Variants in FBF1 observed in about 807,000 individuals in gnomAD.
FBF1 encodes the protein fas-binding factor 1.
FBF1 carries 119 observed loss-of-function variants against 147.2 expected under a neutral mutation model. The observed-to-expected ratio is 0.81, with a 90% CI of 0.70 to 0.94. The LOEUF is 0.94. Among genes scored for constraint, FBF1 ranks in the 40% least tolerant of loss-of-function variants. The pLI is 0.00. For synonymous variants in FBF1, 601 were observed against 609.0 expected, an observed-to-expected ratio of 0.99 and a Z score of 0.19; for missense variants, 1,449 against 1,500.8, an observed-to-expected ratio of 0.97 and a Z score of 0.57.
intron 23 of FBF1, 44 bp from the exon 24 acceptor site, chr17:75,915,183 A>G (rs2065481574): frequency 1.3e-6 from 2 of 1,580,138 alleles, no homozygotes; most frequent in East Asian, 2.3e-5. Flanking sequence ...TCCCGCCCTG[A>G]GGATCACGCC....
At chr17:75,933,125 T>A (rs2065604486) in intron 4 of FBF1, 37 bp from the exon 5 acceptor site, 2 of 1,505,042 alleles carry the variant, frequency 1.3e-6, no homozygotes, top group East Asian at 2.3e-5. Flanking sequence ...GTCATTTAAC[T>A]AAAGGTACCT....
chr17:75,931,249 G>T lies in FBF1; in HGVS notation c.208C>A (p.Leu70Met). The stretch of plus-strand genomic sequence containing the variant: ...CTCACCTCAGCATCAGCTTCTTCCA[G>T]GCCTGCCATGGTGCTGAAGACATCA... ...GDDVFSTMAG[L>M]EEADAEVSGI... is the part of the protein sequence containing the mutation. Residue 70 changes from leucine (L) to methionine (M), a missense_variant, in exon 6 of 30, where the codon CTG (leucine) becomes ATG (methionine). Transcript: ENST00000636174. The T allele has an allele frequency of 6.3e-7, 1 of 1,580,424 alleles. No individual in the cohort carries two copies.
rs2065530020 is a variant in FBF1, at chr17:75,921,883, G to A, written c.1526+62C>T. 1.4e-5 allele frequency: 19 copies of A among 1,403,228 alleles called. No homozygotes were observed. The East Asian group carries it at 4.5e-4, about 33-fold the overall frequency. The allele number at this position is 1,403,228 out of a possible 1,614,324, so 86.9% of individuals were successfully genotyped here. On this transcript the variant is annotated intron_variant, in intron 15 of 29. Transcript: ENST00000636174. ...GAACAGCCTCTGTGTCCCTCTCTCA[G>A]GACAGAGGCCTGTGCTGCCCACCAT...
Position 75,928,166 on chromosome 17 carries a change from A to G in FBF1, c.307T>C (p.Leu103=). The part of the protein sequence containing the change: ...KDLDGMDADI[L]GLKKSNSAPS... ...GCTGAATTAGATTTCTTCAGACCTA[A>G]GATATCAGCATCCATGCCGTCCAGG... Residue 103 remains leucine (L), a synonymous_variant, in exon 8 of 30, where the codon TTA becomes CTA. Transcript: ENST00000636174. This position sits in a 1 kb window ranked among gnomAD's most constrained non-coding sequence, Gnocchi z 4.2. The G allele has an allele frequency of 6.2e-7, 1 of 1,613,886 alleles. No individual in the cohort carries two copies. The highest frequency in any genetic ancestry group is 1.3e-5 in the African/African-American group (1 of 75,026).
At chr17:75,940,189 T>G (rs968305585) in intron 1 of FBF1, among the ~76,000 whole-genome samples, 1 of 151,196 alleles carries the variant, frequency 6.6e-6, no homozygotes, top group African/African-American at 2.4e-5. Context: ...GATCTGCCCG[T>G]CTCGGCCTCC....
chr17:75,920,916 G>A lies in FBF1; in HGVS notation c.1674+328C>T, dbSNP rs982969288. Among the ~76,000 whole-genome samples the A allele has an allele frequency of 5.9e-5, 9 of 152,110 alleles. No individual in the cohort carries two copies. The South Asian group carries it at 1.9e-3, about 32-fold the overall frequency. On this transcript the variant is annotated intron_variant, in intron 17 of 29. Transcript: ENST00000636174. ...AACAGAGGCAGAGGTGTGGTGGGAG[G>A]ATGGCAAGGGTGGAGGAGGCTTTCT...
chr17:75,915,150 C>T lies in FBF1; in HGVS notation c.2506-11G>A, dbSNP rs1281036380. Reference sequence around the variant, plus strand: ...CACCCGCCAGCGTTCCTGTAGGGCCCAGGGCAGGACTGAGAGCGTGGTTCC... The same window carrying T: ...CACCCGCCAGCGTTCCTGTAGGGCCTAGGGCAGGACTGAGAGCGTGGTTCC... On this transcript the variant is annotated splice_polypyrimidine_tract_variant and intron_variant, in intron 23 of 29. Coordinates refer to ENST00000636174, the MANE Select transcript of FBF1 (RefSeq NM_001319193.2). The T allele has an allele frequency of 3.1e-6, 5 of 1,605,830 alleles. No homozygotes were observed. In the Admixed American group the frequency reaches 8.4e-5, roughly 27 times the overall value.
At chr17:75,935,531 C>A in intron 4 of FBF1, 101 bp downstream of exon 4, 1 of 1,228,452 alleles carries the variant, frequency 8.1e-7, no homozygotes, top group South Asian at 1.4e-5. Context: ...GCGGGAGGAT[C>A]ATTTCAGTCC....
chr17:75,937,570 A>C lies in FBF1; in HGVS notation c.27T>G (p.Cys9Trp), dbSNP rs2144200731. 6.2e-7 allele frequency: 1 copy of C among 1,614,012 alleles called. No homozygotes were observed. Residue 9 changes from cysteine to tryptophan, a missense_variant, in exon 3 of 30, where the codon TGT becomes TGG. By Grantham distance (215) the Cys-to-Trp change is radical (BLOSUM62 -2). Transcript: ENST00000636174. ...ATGTTCCATCTCTCCACTCACCTTTACATCCTTTCTTGGTTTTTGGTGCCT... is the reference window on the plus strand; with the variant it reads ...ATGTTCCATCTCTCCACTCACCTTTCCATCCTTTCTTGGTTTTTGGTGCCT... MAPKTKKGCKGSIDDFLGD... is the reference protein window; with the variant it reads MAPKTKKGWKGSIDDFLGD...
Position 75,919,834 on chromosome 17 carries a change from C to T in FBF1, c.1972G>A (p.Glu658Lys), listed in dbSNP as rs761233719. The change falls in exon 20 of 30, where the codon GAG becomes AAG. Residue 658 changes from glutamate to lysine, a missense_variant. By Grantham distance (56) the Glu-to-Lys change is moderately conservative (BLOSUM62 1). Transcript: ENST00000636174. The surrounding 1 kb of genome is among the most constrained non-coding windows in gnomAD (Gnocchi z 5.0). ...TCGTTCTCTCTCCGGAGCCGCTCCT[C>T]CCGTTGCTGGTACGATGTTTCTAGC... is the stretch of plus-strand genomic sequence containing the variant. ...KVLETSYQQR[E>K]ERLRRENEEL... 4.3e-6 allele frequency: 7 copies of T among 1,613,874 alleles called. No individual in the cohort carries two copies. The Admixed American group carries it at 8.3e-5, about 19-fold the overall frequency.
intron 6 of FBF1, among the ~76,000 whole-genome samples, chr17:75,930,852 C>T (rs568875938): frequency 2.6e-4 from 39 of 152,022 alleles, no homozygotes; most frequent in Non-Finnish European, 3.8e-4. Context: ...AACCAGGAGG[C>T]GGAGATTGCA....
Position 75,925,462 on chromosome 17 carries a change from C to A in FBF1, c.869-16G>T. 6.2e-7 allele frequency: 1 copy of A among 1,603,436 alleles called. No homozygotes were observed. The highest frequency in any genetic ancestry group is 8.5e-7 in the Non-Finnish European group (1 of 1,175,212). ...TCTTCACTGTCTGTGAATTAAGGAG[C>A]CTGTGACCGTGATCTGGAGTAGGGG... On this transcript the variant is annotated splice_polypyrimidine_tract_variant and intron_variant, in intron 12 of 29. Transcript: ENST00000636174. The surrounding 1 kb of genome is among the most constrained non-coding windows in gnomAD (Gnocchi z 5.0).
intron 23 of FBF1, among the ~76,000 whole-genome samples, chr17:75,916,135 C>T (rs1453451536): frequency 1.3e-5 from 2 of 150,776 alleles, no homozygotes; most frequent in African/African-American, 4.9e-5. Flanking sequence ...GCCTGGGCAA[C>T]ATGGCAAACC....
chr17:75,911,584 T>C (rs900596945), intron 29 of FBF1, among the ~76,000 whole-genome samples: 3 of 152,182 alleles, frequency 2.0e-5, no homozygotes, highest in Non-Finnish European at 4.4e-5. Flanking sequence ...AGTGGCACCG[T>C]TGTGGCTCAC....
Position 75,918,090 on chromosome 17 carries a change from C to G in FBF1, c.2247-20G>C. ...AGGGACCTGGAAGAAGACTGGGTCA[C>G]CCCCTCCTGACGGTCTCGGGGACCT... On this transcript the variant is annotated intron_variant, in intron 21 of 29. Coordinates refer to ENST00000636174, the MANE Select transcript of FBF1 (RefSeq NM_001319193.2). The surrounding 1 kb of genome is among the most constrained non-coding windows in gnomAD (Gnocchi z 5.8). 1.2e-6 allele frequency: 2 copies of G among 1,605,600 alleles called. No individual in the cohort carries two copies. The highest frequency in any genetic ancestry group is 1.7e-6 in the Non-Finnish European group (2 of 1,174,546).
Position 75,920,354 on chromosome 17 carries a change from C to T in FBF1, c.1750G>A (p.Val584Met), listed in dbSNP as rs761806169. ...EYQKQLLAAQ[V>M]QLQCSPAELQ... is the part of the protein sequence containing the mutation. ...TCAGCGGGGCTGCACTGAAGTTGCACCTGTGCTGCCAGGAGCTGCTTCTGG... is the reference window on the plus strand; with the variant it reads ...TCAGCGGGGCTGCACTGAAGTTGCATCTGTGCTGCCAGGAGCTGCTTCTGG... Residue 584 changes from valine (V) to methionine (M), a missense_variant, in exon 18 of 30, where the codon GTG becomes ATG. Physicochemically the swap from Val to Met is conservative, Grantham distance 21. Coordinates refer to ENST00000636174, the MANE Select transcript of FBF1 (RefSeq NM_001319193.2). 6 of 1,607,926 alleles carry T rather than the reference C, an allele frequency of 3.7e-6. No individual in the cohort carries two copies. The East Asian group carries it at 8.9e-5, about 24-fold the overall frequency.
intron 4 of FBF1, among the ~76,000 whole-genome samples, chr17:75,934,476 G>A (rs553031651): frequency 6.6e-6 from 1 of 151,072 alleles, no homozygotes; most frequent in South Asian, 2.1e-4. Flanking sequence ...CACGAGAATC[G>A]CTTGAACTCA....
In FBF1 at chr17:75,926,181, C is replaced by A; in HGVS notation, c.735-18G>T. The A allele has an allele frequency of 6.2e-7, 1 of 1,605,250 alleles. No individual in the cohort carries two copies. The highest frequency in any genetic ancestry group is 8.5e-7 in the Non-Finnish European group (1 of 1,176,688). Reference sequence around the variant, plus strand: ...GCCCTTCCCTGCAGGACGGGACACACGGCAGGAACGTGTAGGTATGAGGGG... The same window carrying A: ...GCCCTTCCCTGCAGGACGGGACACAAGGCAGGAACGTGTAGGTATGAGGGG... On this transcript the variant is annotated intron_variant, in intron 11 of 29. Coordinates refer to ENST00000636174, the MANE Select transcript of FBF1 (RefSeq NM_001319193.2).
In FBF1 at chr17:75,931,290, C is replaced by T. The variant is rs1478609835; in HGVS notation, c.168-1G>A. 6.3e-7 allele frequency: 1 copy of T among 1,581,900 alleles called. No individual in the cohort carries two copies. The highest frequency in any genetic ancestry group is 1.2e-5 in the South Asian group (1 of 86,124). On this transcript the variant is annotated splice_acceptor_variant, in intron 5 of 29. Transcript: ENST00000636174. LOFTEE classifies it high-confidence loss of function. The stretch of plus-strand genomic sequence containing the variant: ...GAAGACATCATCACCCAGGAGGGAC[C>T]TGCAAAGGGGAGGCGTCAGCCCCTA...
Sources: allele counts gnomAD v4.1 joint callset (sites outside exome capture counted in the v4.1 genomes callset), GRCh38; gene constraint gnomAD v4.1.1; non-coding constraint Gnocchi (gnomAD v3.1); transcripts MANE v1.5; gene names NCBI Gene and HGNC (gene_info 2026-07-23, HGNC 2026-07-21).